PTPRN2: variants seen among roughly 807,000 people sequenced by gnomAD.
PTPRN2 encodes protein tyrosine phosphatase receptor type N2, also known as receptor-type tyrosine-protein phosphatase N2.
PTPRN2 carries 74 observed loss-of-function variants against 118.8 expected under a neutral mutation model. That is an observed-to-expected ratio of 0.62 (90% CI 0.52 to 0.76). PTPRN2 has a LOEUF of 0.76. Ranked by LOEUF, PTPRN2 falls within the 30% of genes least tolerant of loss-of-function variation. The pLI is 0.00. For missense variants in PTPRN2, 1,481 were observed against 1,394.4 expected (o/e 1.06, Z -0.99); for synonymous variants, 641 against 608.0 (o/e 1.05, Z -0.80).
At chr7:157,760,593 C>G (rs1266856531) in intron 12 of PTPRN2, among the ~76,000 whole-genome samples, 2 of 152,112 alleles carry the variant, frequency 1.3e-5, no homozygotes, top group Non-Finnish European at 2.9e-5. Flanking sequence ...CGAGTCTTCT[C>G]CATGCCCCTC....
intron 11 of PTPRN2, among the ~76,000 whole-genome samples, chr7:157,940,423 G>A (rs1799976937): frequency 1.3e-5 from 2 of 152,238 alleles, no homozygotes; most frequent in South Asian, 4.1e-4. Context: ...AATTCTCACT[G>A]TTACAGAAAT....
intron 2 of PTPRN2, among the ~76,000 whole-genome samples, chr7:158,443,427 C>T (rs1264209360): frequency 6.6e-6 from 1 of 152,256 alleles, no homozygotes; most frequent in African/African-American, 2.4e-5. Flanking sequence ...ACTGACGAGA[C>T]TGTTTCCCCA....
At chr7:158,125,383 CT>C (rs1817569088) in intron 9 of PTPRN2, among the ~76,000 whole-genome samples, 1 of 152,188 alleles carries the variant, frequency 6.6e-6, no homozygotes, top group African/African-American at 2.4e-5. Flanking sequence ...GGCCACCCCC[CT>C]GCCTCGCGTA....
At position 158,435,186 on chromosome 7, in the gene PTPRN2, C is replaced by G. The variant is rs191054467; in HGVS notation, c.163+54549G>C. 3.3e-5 allele frequency among the ~76,000 whole-genome samples: 5 copies of G among 152,254 alleles called. No individual in the cohort carries two copies. The East Asian group carries it at 9.6e-4, about 29-fold the overall frequency. On this transcript the variant is annotated intron_variant, in intron 2 of 22. Coordinates refer to ENST00000389418, the MANE Select transcript of PTPRN2 (RefSeq NM_002847.5). The stretch of plus-strand genomic sequence containing the variant: ...TCTACAGAACAGGATAAAATACTTG[C>G]AAATCGTATAACTTTTTAAAAGGTT...
chr7:157,950,847 C>T (rs963306615), intron 11 of PTPRN2, among the ~76,000 whole-genome samples: 24 of 152,264 alleles, frequency 1.6e-4, no homozygotes, highest in Admixed American at 3.9e-4. Context: ...GGTGCAGACG[C>T]GGAAGTCAGG....
intron 6 of PTPRN2, among the ~76,000 whole-genome samples, chr7:158,155,511 C>CA (rs1821648807): frequency 7.8e-6 from 1 of 128,600 alleles, no homozygotes; most frequent in Non-Finnish European, 1.7e-5. Flanking sequence ...ATCACCAATG[C>CA]CATCATCACC....
At chr7:158,150,240 G>A (rs1482336850) in intron 6 of PTPRN2, among the ~76,000 whole-genome samples, 1 of 152,216 alleles carries the variant, frequency 6.6e-6, no homozygotes, top group African/African-American at 2.4e-5. Flanking sequence ...AAAAATAGAT[G>A]GATGTATTCA....
intron 2 of PTPRN2, among the ~76,000 whole-genome samples, chr7:158,409,795 T>C (rs1446657203): frequency 6.6e-6 from 1 of 152,204 alleles, no homozygotes; most frequent in Non-Finnish European, 1.5e-5. Context: ...CATTCAGAAC[T>C]GTCCTGCAGA....
intron 3 of PTPRN2, among the ~76,000 whole-genome samples, chr7:158,246,790 C>T (rs959982713): frequency 6.6e-6 from 1 of 151,986 alleles, no homozygotes; most frequent in Non-Finnish European, 1.5e-5. Flanking sequence ...CGTGTGCTTC[C>T]CATGGCCATG....
intron 1 of PTPRN2, among the ~76,000 whole-genome samples, chr7:158,547,939 CA>C (rs1826403041): frequency 6.6e-6 from 1 of 152,242 alleles, no homozygotes; most frequent in Non-Finnish European, 1.5e-5. Flanking sequence ...CTGTGACTCC[CA>C]GGCACGACCT....
At chr7:157,670,934 C>T (rs1394096849) in intron 13 of PTPRN2, among the ~76,000 whole-genome samples, 1 of 152,134 alleles carries the variant, frequency 6.6e-6, no homozygotes, top group Non-Finnish European at 1.5e-5. Context: ...GAAACTTTTG[C>T]ACCTTCCTAA....
intron 13 of PTPRN2, among the ~76,000 whole-genome samples, chr7:157,670,789 A>G (rs1796371049): frequency 2.0e-5 from 3 of 152,258 alleles, no homozygotes; most frequent in Non-Finnish European, 4.4e-5. Context: ...GAGAGGCCCC[A>G]CAGGCTGAAC....
rs2240987 is a variant in PTPRN2 at position 157,541,062 on chromosome 7, G to A, written c.2977-277C>T. On this transcript the variant is annotated intron_variant, in intron 22 of 22. Coordinates refer to ENST00000389418, the MANE Select transcript of PTPRN2 (RefSeq NM_002847.5). ...AAAGCCTCATCTTTCCCCCTGCGGG[G>A]AGAAGCTGCCCACAGAAGCAGCGAG... 5.8e-4 allele frequency among the ~76,000 whole-genome samples: 89 copies of A among 152,362 alleles called. No homozygotes were observed. In the East Asian group the frequency reaches 0.016, roughly 28 times the overall value.
chr7:157,938,729 T>C (rs896867747), intron 11 of PTPRN2, among the ~76,000 whole-genome samples: 1 of 152,260 alleles, frequency 6.6e-6, no homozygotes, highest in African/African-American at 2.4e-5. Context: ...ATATCAAAGA[T>C]ACATTGTCCT....
intron 5 of PTPRN2, among the ~76,000 whole-genome samples, chr7:158,171,288 TAC>T (rs1236163615): frequency 1.7e-4 from 8 of 47,248 alleles, no homozygotes; most frequent in Non-Finnish European, 2.6e-4. Flanking sequence ...CACATATATA[TAC>T]ACACATATAT....
At chr7:158,495,561 G>T (rs1044536778) in intron 1 of PTPRN2, among the ~76,000 whole-genome samples, 1 of 152,100 alleles carries the variant, frequency 6.6e-6, no homozygotes, top group African/African-American at 2.4e-5. Context: ...CCCAATCTCA[G>T]CATCCCCTCC....
chr7:158,254,610 G>A (rs1796898815), intron 3 of PTPRN2, among the ~76,000 whole-genome samples: 1 of 81,134 alleles, frequency 1.2e-5, no homozygotes, highest in Non-Finnish European at 2.3e-5. Context: ...GAGCATCCCT[G>A]TAACTGGACA....
chr7:157,781,516 T>G (rs1803679836), intron 12 of PTPRN2, among the ~76,000 whole-genome samples: 1 of 152,208 alleles, frequency 6.6e-6, no homozygotes, highest in South Asian at 2.1e-4. Flanking sequence ...GAGATGAATC[T>G]GTACTAAGAA....
At chr7:158,157,432 C>T (rs1278973556) in intron 6 of PTPRN2, among the ~76,000 whole-genome samples, 1 of 152,260 alleles carries the variant, frequency 6.6e-6, no homozygotes, top group African/African-American at 2.4e-5. Context: ...GTAAGGACAT[C>T]AGCCAAACAC....
Sources: allele counts gnomAD v4.1 joint callset (sites outside exome capture counted in the v4.1 genomes callset), GRCh38; gene constraint gnomAD v4.1.1; transcripts MANE v1.5; gene names NCBI Gene and HGNC (gene_info 2026-07-23, HGNC 2026-07-21).